Variants in POLQ observed in about 807,000 individuals in gnomAD.
POLQ encodes epididymis secretory sperm binding protein.
A neutral mutation model predicts 259.2 loss-of-function variants in POLQ; 233 were observed. The ratio of observed to expected loss-of-function variants is 0.90; its 90% CI spans 0.81 to 1.00. The LOEUF is 1.00. POLQ is among the 50% of genes least tolerant of loss of function. The probability of loss-of-function intolerance (pLI) is 0.00; values close to 1 mark genes in which losing one functional copy is unlikely to be tolerated. For missense variants in POLQ, 2,871 were observed against 3,051.6 expected, an observed-to-expected ratio of 0.94 and a Z score of 1.39; for synonymous variants, 1,025 against 1,048.8, an observed-to-expected ratio of 0.98 and a Z score of 0.44.
At position 121,493,700 on chromosome 3, in the gene POLQ, T is replaced by C. The variant is rs184974461; in HGVS notation, c.2300A>G (p.Asn767Ser). 4.8e-5 allele frequency: 78 copies of C among 1,613,822 alleles called. No homozygotes were observed. The East Asian group carries it at 5.8e-4, about 12-fold the overall frequency. Reference protein sequence around the residue: ...VYAGMITVFSNRLGWHNMELL... With the variant: ...VYAGMITVFSSRLGWHNMELL... ...TTCCATGTTGTGCCAGCCCAGACGGTTGGAAAATACTGTAATCATCCCTAG... is the reference window on the plus strand; with the variant it reads ...TTCCATGTTGTGCCAGCCCAGACGGCTGGAAAATACTGTAATCATCCCTAG... Residue 767 changes from asparagine (N) to serine (S), a missense_variant, in exon 15 of 30, where the codon AAC becomes AGC. Transcript: ENST00000264233.
chr3:121,498,591 A>G lies in POLQ; in HGVS notation c.2039T>C (p.Met680Thr), dbSNP rs111660669. The G allele has an allele frequency of 6.2e-7, 1 of 1,613,720 alleles. No homozygotes were observed. The highest frequency in any genetic ancestry group is 2.2e-5 in the East Asian group (1 of 44,896). ...TCCCACTAGCTCTGCCACCCTTTTC[A>G]TTGAAGTTGGCAACTTCTCCCATAA... ...FCLWEKLPTSMKRVAELVGVE... is the reference protein window; with the variant it reads ...FCLWEKLPTSTKRVAELVGVE... Residue 680 changes from methionine (M) to threonine (T), a missense_variant, in exon 13 of 30, where the codon ATG becomes ACG. By Grantham distance (81) the Met-to-Thr change is moderately conservative. Transcript: ENST00000264233.
chr3:121,444,107 T>C (rs2047614367), intron 26 of POLQ, among the ~76,000 whole-genome samples: 1 of 152,152 alleles, frequency 6.6e-6, no homozygotes, highest in Admixed American at 6.5e-5. Context: ...TACTTTTTTT[T>C]TTTCTATTTC....
intron 5 of POLQ, 35 bp downstream of exon 5, chr3:121,537,065 G>T: frequency 1.0e-6 from 1 of 982,588 alleles, no homozygotes; most frequent in Non-Finnish European, 1.6e-6. Context: ...AACATTGTTT[G>T]AAATCTCAGG....
chr3:121,448,402 T>G (rs1009222693), intron 26 of POLQ, among the ~76,000 whole-genome samples: 2 of 152,130 alleles, frequency 1.3e-5, no homozygotes, highest in African/African-American at 4.8e-5. Flanking sequence ...AGTTTCATTC[T>G]TGACCCCCAG....
At position 121,544,785 on chromosome 3, in the gene POLQ, C is replaced by G; in HGVS notation, c.285G>C (p.Trp95Cys). 1 of 1,613,604 alleles carries G rather than the reference C, an allele frequency of 6.2e-7. No individual in the cohort carries two copies. The highest frequency in any genetic ancestry group is 1.1e-5 in the South Asian group (1 of 91,068). ...GTCCAAGCAAAAGGCACTCTGCCTG[C>G]CATTCAAACATCTTTTTTACACCAA... ...HSFGVKKMFE[W>C]QAECLLLGQV... is the part of the protein sequence containing the mutation. The change falls in exon 2 of 30, where the codon TGG becomes TGC. Residue 95 changes from tryptophan to cysteine, a missense_variant. By Grantham distance (215) the Trp-to-Cys change is radical. This residue lies in a region of POLQ where 783 missense variants were observed against 906.2 expected (regional missense o/e 0.86). Transcript: ENST00000264233.
intron 7 of POLQ, among the ~76,000 whole-genome samples, chr3:121,525,529 G>A (rs193158057): frequency 4.9e-4 from 74 of 152,150 alleles, no homozygotes; most frequent in African/African-American, 8.9e-4. Flanking sequence ...AGGCAGGCAC[G>A]CTTGGTGTAA....
intron 2 of POLQ, among the ~76,000 whole-genome samples, chr3:121,543,103 T>C (rs2048502274): frequency 6.6e-6 from 1 of 152,126 alleles, no homozygotes; most frequent in Non-Finnish European, 1.5e-5. Flanking sequence ...TACCAGGTAA[T>C]GGACCTAAAA....
rs955630481 is a variant in POLQ, at chr3:121,488,103, C to T, written c.4828G>A (p.Asp1610Asn). ...GATTTTTCAGCCCTTTCATCTTGATCTCCTCCATCTTGATCACCTTGGTGG... is the reference window on the plus strand; with the variant it reads ...GATTTTTCAGCCCTTTCATCTTGATTTCCTCCATCTTGATCACCTTGGTGG... ...EHHQGDQDGG[D>N]QDERAEKSKL... is the part of the protein sequence containing the mutation. Residue 1610 changes from aspartate (D) to asparagine (N), a missense_variant, in exon 16 of 30, where the codon GAT (aspartate) becomes AAT (asparagine). Physicochemically the swap from Asp to Asn is conservative, Grantham distance 23. Transcript: ENST00000264233. 1 of 1,613,470 alleles carries T rather than the reference C, an allele frequency of 6.2e-7. No homozygotes were observed. Among genetic ancestry groups the T allele is most frequent in the African/African-American group, 1.3e-5 (1 of 74,870 alleles).
intron 5 of POLQ, among the ~76,000 whole-genome samples, chr3:121,534,098 G>A (rs2048432073): frequency 1.3e-5 from 2 of 151,450 alleles, no homozygotes; most frequent in Admixed American, 6.6e-5. Context: ...GGATGGTCTC[G>A]ATCTCCTGAC....
intron 26 of POLQ, among the ~76,000 whole-genome samples, chr3:121,444,732 G>T (rs1576398595): frequency 6.6e-6 from 1 of 152,264 alleles, no homozygotes; most frequent in South Asian, 2.1e-4. Flanking sequence ...GACACTAGCT[G>T]TGGGTCTATC....
rs773842259 is a variant in POLQ, at chr3:121,473,352, T to C, written c.6541A>G (p.Lys2181Glu). 18 of 1,612,470 alleles carry C rather than the reference T, an allele frequency of 1.1e-5. No individual in the cohort carries two copies. The East Asian group carries it at 3.8e-4, about 34-fold the overall frequency. The change falls in exon 21 of 30, where the codon AAG (lysine) becomes GAG (glutamate). Residue 2181 changes from lysine (K) to glutamate (E), a missense_variant and splice_region_variant. By Grantham distance (56) the Lys-to-Glu change is moderately conservative. Around this residue, in one of 3 missense-constraint regions of POLQ, gnomAD observed 2,080 missense variants for 2,126.0 expected, o/e 0.98. Coordinates refer to ENST00000264233, the MANE Select transcript of POLQ (RefSeq NM_199420.4). The stretch of plus-strand genomic sequence containing the variant: ...TCTGTGACTGCCCCAAAGAGCACCT[T>C]ACTAGTGCTGAACTGTCTTCCCAGC... ...LRLGRQFSTS[K>E]DVLNKLKALH...
intron 12 of POLQ, among the ~76,000 whole-genome samples, chr3:121,502,952 C>T (rs1388759826): frequency 6.6e-6 from 1 of 151,394 alleles, no homozygotes; most frequent in Non-Finnish European, 1.5e-5. Context: ...AAAAAAATGG[C>T]AAAAAATATA....
At chr3:121,522,969 G>A (rs1318027982) in intron 7 of POLQ, among the ~76,000 whole-genome samples, 1 of 152,138 alleles carries the variant, frequency 6.6e-6, no homozygotes, top group East Asian at 1.9e-4. Context: ...CATTAATCTG[G>A]TAGCTAATTA....
intron 12 of POLQ, among the ~76,000 whole-genome samples, chr3:121,500,429 G>T (rs994707146): frequency 6.6e-6 from 1 of 152,152 alleles, no homozygotes. Context: ...ACCAAACCTG[G>T]ACCTAAAATG....
chr3:121,490,027 G>C lies in POLQ; in HGVS notation c.2904C>G (p.Ser968=). The change falls in exon 16 of 30, where the codon TCC becomes TCG. Residue 968 remains serine, a synonymous_variant. Coordinates refer to ENST00000264233, the MANE Select transcript of POLQ (RefSeq NM_199420.4). The part of the protein sequence containing the change: ...DLNKSREHTS[S]FNCNFQNGNQ... ...TCCCATTCTGGAAATTACAATTAAA[G>C]GAACTTGTATGCTCTCTACTTTTAT... is the stretch of plus-strand genomic sequence containing the variant. 6.4e-7 allele frequency: 1 copy of C among 1,572,092 alleles called. No individual in the cohort carries two copies.
Position 121,545,702 on chromosome 3 carries a change from G to C in POLQ, c.163+13C>G, listed in dbSNP as rs746963803. On this transcript the variant is annotated intron_variant, in intron 1 of 29. Coordinates refer to ENST00000264233, the MANE Select transcript of POLQ (RefSeq NM_199420.4). ...GCCCCCGTTGCCCGCGGCCTCCCGG[G>C]TTCCTGGAGCACCTGCAGCTGCGGC... is the stretch of plus-strand genomic sequence containing the variant. 76 of 1,542,772 alleles carry C rather than the reference G, an allele frequency of 4.9e-5. No individual in the cohort carries two copies. In the African/African-American group the frequency reaches 9.7e-4, roughly 20 times the overall value.
Position 121,481,618 on chromosome 3 carries a change from G to C in POLQ, c.6165C>G (p.Asn2055Lys). 6.2e-7 allele frequency: 1 copy of C among 1,613,518 alleles called. No homozygotes were observed. The highest frequency in any genetic ancestry group is 1.1e-5 in the South Asian group (1 of 90,932). Residue 2055 changes from asparagine (N) to lysine (K), a missense_variant, in exon 19 of 30, where the codon AAC becomes AAG. Physicochemically the swap from Asn to Lys is moderately conservative, Grantham distance 94. Transcript: ENST00000264233. ...ACAAAGAGTTGAGCTGATTCATAGA[G>C]TTGAAGATGAGAATGGACTCCACAG... is the stretch of plus-strand genomic sequence containing the variant. ...RASVESILIF[N>K]SMNQLNSLLQ...
intron 16 of POLQ, 71 bp from the exon 17 acceptor site, chr3:121,485,255 T>C: frequency 9.2e-7 from 1 of 1,086,466 alleles, no homozygotes; most frequent in Non-Finnish European, 1.3e-6. Context: ...GTTAAAACAA[T>C]TATAATAAAA....
chr3:121,526,697 G>GA (rs1187758526), intron 7 of POLQ, among the ~76,000 whole-genome samples: 1 of 151,526 alleles, frequency 6.6e-6, no homozygotes, highest in Non-Finnish European at 1.5e-5. Context: ...ATTATGTATT[G>GA]AAAAAAATCC....
Sources: allele counts gnomAD v4.1 joint callset (sites outside exome capture counted in the v4.1 genomes callset), GRCh38; gene constraint gnomAD v4.1.1; regional missense constraint gnomAD v4.1.1; transcripts MANE v1.5; gene names NCBI Gene and HGNC (gene_info 2026-07-23, HGNC 2026-07-21).